CNTNAP2: variants seen among roughly 807,000 people sequenced by gnomAD.
CNTNAP2 encodes contactin associated protein 2, also known as contactin-associated protein-like 2.
Under a neutral mutation model 155.2 loss-of-function variants are expected in CNTNAP2, and 98 were observed. The ratio of observed to expected loss-of-function variants is 0.63; its 90% CI spans 0.54 to 0.75. The LOEUF (loss-of-function observed/expected upper bound fraction) is 0.75, where lower values mean the gene tolerates loss of function less well. Among genes scored for constraint, CNTNAP2 ranks in the 30% least tolerant of loss-of-function variants. The probability of loss-of-function intolerance (pLI) is 0.00; values close to 1 mark genes in which losing one functional copy is unlikely to be tolerated. For missense variants in CNTNAP2, 1,727 were observed against 1,688.1 expected, an observed-to-expected ratio of 1.02 and a Z score of -0.40; for synonymous variants, 651 against 631.2, an observed-to-expected ratio of 1.03 and a Z score of -0.47.
rs954210140 is a variant in CNTNAP2 at position 147,768,815 on chromosome 7, A to C, written c.2098+129509A>C. On this transcript the variant is annotated intron_variant, in intron 13 of 23. Transcript: ENST00000361727. The stretch of plus-strand genomic sequence containing the variant: ...TATTCTTCAGTATGAGCTACAAAAA[A>C]TTATGAACTGAAAACAATACTTTAG... Among the ~76,000 whole-genome samples the C allele has an allele frequency of 4.6e-5, 7 of 152,270 alleles. No homozygotes were observed. The South Asian group carries it at 1.2e-3, about 27-fold the overall frequency.
intron 1 of CNTNAP2, among the ~76,000 whole-genome samples, chr7:146,179,818 A>T (rs1338840699): frequency 2.0e-5 from 3 of 152,214 alleles, no homozygotes; most frequent in Non-Finnish European, 2.9e-5. Flanking sequence ...AAGTTTCAGG[A>T]AGATAATCTC....
At chr7:146,256,152 G>T (rs113660579) in intron 1 of CNTNAP2, among the ~76,000 whole-genome samples, 1 of 152,100 alleles carries the variant, frequency 6.6e-6, no homozygotes, top group African/African-American at 2.4e-5. Context: ...TTGGGTCATA[G>T]GTCTTCCTGG....
intron 1 of CNTNAP2, among the ~76,000 whole-genome samples, chr7:146,448,996 G>T (rs2129121822): frequency 6.6e-6 from 1 of 152,068 alleles, no homozygotes; most frequent in African/African-American, 2.4e-5. Flanking sequence ...GCTCCCTAAG[G>T]CTCTGTTCAT....
At chr7:146,171,613 A>G (rs1350276354) in intron 1 of CNTNAP2, among the ~76,000 whole-genome samples, 1 of 152,186 alleles carries the variant, frequency 6.6e-6, no homozygotes, top group Non-Finnish European at 1.5e-5. Flanking sequence ...CAAAAACACA[A>G]ATTGGCCTGT....
intron 1 of CNTNAP2, among the ~76,000 whole-genome samples, chr7:146,282,867 T>C (rs1800271741): frequency 6.6e-6 from 1 of 152,250 alleles, no homozygotes; most frequent in African/African-American, 2.4e-5. Context: ...AAGTTAGGAC[T>C]GCTGTCTTCT....
intron 8 of CNTNAP2, among the ~76,000 whole-genome samples, chr7:147,273,108 T>C (rs1054861865): frequency 1.3e-5 from 2 of 152,074 alleles, no homozygotes; most frequent in Non-Finnish European, 2.9e-5. Flanking sequence ...AATCCTATGT[T>C]CTGCTTCCTG....
intron 2 of CNTNAP2, among the ~76,000 whole-genome samples, chr7:146,833,954 A>G (rs1803565975): frequency 6.6e-6 from 1 of 152,162 alleles, no homozygotes; most frequent in African/African-American, 2.4e-5. Context: ...GTGTATTTGA[A>G]GCAGAAGGGG....
intron 3 of CNTNAP2, among the ~76,000 whole-genome samples, chr7:146,909,390 T>C (rs1473340102): frequency 8.4e-6 from 1 of 118,508 alleles, no homozygotes; most frequent in East Asian, 2.4e-4. Flanking sequence ...TGAACATTGA[T>C]GCAAAAATCC....
intron 3 of CNTNAP2, among the ~76,000 whole-genome samples, chr7:146,842,166 C>T (rs1283995556): frequency 6.6e-6 from 1 of 152,004 alleles, no homozygotes; most frequent in Non-Finnish European, 1.5e-5. Flanking sequence ...GGATTCCAGG[C>T]GTGAGCCACT....
intron 9 of CNTNAP2, among the ~76,000 whole-genome samples, chr7:147,322,466 T>C (rs1457461972): frequency 6.6e-6 from 1 of 152,202 alleles, no homozygotes; most frequent in Non-Finnish European, 1.5e-5. Flanking sequence ...TCTTGAAAAT[T>C]TGTATACGGC....
At chr7:146,592,790 C>T (rs1186112921) in intron 1 of CNTNAP2, among the ~76,000 whole-genome samples, 1 of 151,980 alleles carries the variant, frequency 6.6e-6, no homozygotes, top group Non-Finnish European at 1.5e-5. Context: ...GAGAAGAGAC[C>T]CACAGCCAGT....
At chr7:147,089,907 G>T (rs1167489101) in intron 4 of CNTNAP2, among the ~76,000 whole-genome samples, 1 of 152,172 alleles carries the variant, frequency 6.6e-6, no homozygotes, top group Non-Finnish European at 1.5e-5. Context: ...AGTGCCAGAA[G>T]CCTCCAAAAT....
At chr7:147,892,093 CA>C (rs577237618) in intron 13 of CNTNAP2, among the ~76,000 whole-genome samples, 3 of 150,238 alleles carry the variant, frequency 2.0e-5, no homozygotes, top group Non-Finnish European at 3.0e-5. Context: ...TTGATTCATG[CA>C]AAAAAAAATC....
At chr7:148,079,981 G>A (rs1421215445) in intron 15 of CNTNAP2, among the ~76,000 whole-genome samples, 6 of 152,190 alleles carry the variant, frequency 3.9e-5, no homozygotes, top group African/African-American at 1.4e-4. Context: ...TGTGGAGGCA[G>A]AAGTAACCTG....
chr7:147,504,482 A>T (rs962559793), intron 11 of CNTNAP2, among the ~76,000 whole-genome samples: 15 of 152,042 alleles, frequency 9.9e-5, no homozygotes, highest in Non-Finnish European at 1.5e-4. Context: ...TGAGCCCAGG[A>T]CTTCAAGACC....
chr7:146,380,423 A>G (rs1002552301), intron 1 of CNTNAP2, among the ~76,000 whole-genome samples: 13 of 152,274 alleles, frequency 8.5e-5, no homozygotes, highest in Non-Finnish European at 1.9e-4. Context: ...TCTAAAAGTA[A>G]CTGATGTCGT....
intron 10 of CNTNAP2, among the ~76,000 whole-genome samples, chr7:147,400,124 G>T (rs1256699437): frequency 6.6e-6 from 1 of 152,078 alleles, no homozygotes; most frequent in African/African-American, 2.4e-5. Context: ...CCTCTTTCCA[G>T]GTGTGAAAAC....
At chr7:147,728,885 T>G (rs982057944) in intron 13 of CNTNAP2, among the ~76,000 whole-genome samples, 10 of 151,606 alleles carry the variant, frequency 6.6e-5, no homozygotes, top group African/African-American at 2.4e-4. Flanking sequence ...CAAGTGTTCA[T>G]AAAATTGGCA....
chr7:148,205,764 A>T (rs1357860133), intron 18 of CNTNAP2, among the ~76,000 whole-genome samples: 7 of 152,348 alleles, frequency 4.6e-5, no homozygotes, highest in East Asian at 1.9e-4. Flanking sequence ...TATTGCAATT[A>T]AAAAATCATT....
Sources: allele counts gnomAD v4.1 joint callset (sites outside exome capture counted in the v4.1 genomes callset), GRCh38; gene constraint gnomAD v4.1.1; transcripts MANE v1.5; gene names NCBI Gene and HGNC (gene_info 2026-07-23, HGNC 2026-07-21).